The following EYS variants were observed in gnomAD, a reference collection of about 807,000 sequenced individuals.
EYS encodes the protein EGF-like photoreceptor maintenance factor.
A neutral mutation model predicts 282.1 loss-of-function variants in EYS; 250 were observed. That is an observed-to-expected ratio of 0.89 (90% CI 0.80 to 0.98). EYS has a LOEUF of 0.98. Among genes scored for constraint, EYS ranks in the 50% least tolerant of loss-of-function variants. The pLI, the probability that EYS is intolerant of heterozygous loss-of-function variation, is 0.00. For synonymous variants in EYS, 1,355 were observed against 1,282.9 expected (o/e 1.06, Z -1.20); for missense variants, 4,016 against 3,709.0 (o/e 1.08, Z -2.15).
intron 33 of EYS, among the ~76,000 whole-genome samples, chr6:64,002,058 G>A (rs1768120007): frequency 6.6e-6 from 1 of 152,202 alleles, no homozygotes. Context: ...ACATTAGCAG[G>A]CACACACAGA....
In EYS at chr6:64,518,589, T is replaced by C. The variant is rs575628085; in HGVS notation, c.5644+71634A>G. 8.6e-5 allele frequency among the ~76,000 whole-genome samples: 13 copies of C among 151,796 alleles called. No homozygotes were observed. In the South Asian group the frequency reaches 1.0e-3, roughly 12 times the overall value. On this transcript the variant is annotated intron_variant, in intron 26 of 42. Coordinates refer to ENST00000503581, the MANE Select transcript of EYS (RefSeq NM_001142800.2). The stretch of plus-strand genomic sequence containing the variant: ...AATCACATTTAAATGTGACCTAAAG[T>C]CGCTATTGACCCGACGGGAATGATA...
chr6:63,964,790 C>T (rs1766227632), intron 35 of EYS, among the ~76,000 whole-genome samples: 1 of 152,098 alleles, frequency 6.6e-6, no homozygotes, highest in Non-Finnish European at 1.5e-5. Flanking sequence ...CAACCAGTTC[C>T]TTTATTGCTT....
intron 28 of EYS, among the ~76,000 whole-genome samples, chr6:64,420,189 T>A (rs752504328): frequency 6.6e-6 from 1 of 151,982 alleles, no homozygotes; most frequent in Non-Finnish European, 1.5e-5. Context: ...ACCTGGGGCT[T>A]ACACCCTCTG....
chr6:65,073,622 A>T (rs1438131698), intron 12 of EYS, among the ~76,000 whole-genome samples: 3 of 151,710 alleles, frequency 2.0e-5, no homozygotes, highest in African/African-American at 7.2e-5. Context: ...TTAAAATGTT[A>T]CATTGATTAT....
intron 36 of EYS, among the ~76,000 whole-genome samples, chr6:63,832,018 C>G (rs192556348): frequency 6.6e-6 from 1 of 151,918 alleles, no homozygotes; most frequent in South Asian, 2.1e-4. Flanking sequence ...TTGAAACCAA[C>G]GAGAACAAAG....
chr6:64,028,190 C>T (rs539924416), intron 33 of EYS, among the ~76,000 whole-genome samples: 45 of 152,288 alleles, frequency 3.0e-4, no homozygotes, highest in African/African-American at 1.1e-3. Flanking sequence ...AGGAGGGAAT[C>T]AATCCTGAAG....
rs189038965 is a variant in EYS at position 65,159,868 on chromosome 6, G to A, written c.2024-102141C>T. Among the ~76,000 whole-genome samples the A allele has an allele frequency of 1.7e-3, 258 of 151,090 alleles. 2 individuals carry two copies. Among genetic ancestry groups the A allele is most frequent in the African/African-American group, 5.9e-3 (243 of 41,428 alleles). ...GAAACAATTAGAAATAACAGTTGGA[G>A]AGAGAGAAGAGAGGGATGTAAGTGT... On this transcript the variant is annotated intron_variant, in intron 12 of 42. Transcript: ENST00000503581.
intron 30 of EYS, among the ~76,000 whole-genome samples, chr6:64,233,744 A>T (rs995158759): frequency 6.6e-6 from 1 of 152,068 alleles, no homozygotes; most frequent in Admixed American, 6.6e-5. Flanking sequence ...TAGTGTCTGA[A>T]TAACATATGC....
intron 28 of EYS, among the ~76,000 whole-genome samples, chr6:64,391,156 AC>A (rs1773121637): frequency 6.6e-6 from 1 of 152,174 alleles, no homozygotes; most frequent in Non-Finnish European, 1.5e-5. Flanking sequence ...TGATTGGTGT[AC>A]CTGAAAGTGA....
chr6:64,327,433 C>T (rs900528545), intron 29 of EYS, among the ~76,000 whole-genome samples: 1 of 152,118 alleles, frequency 6.6e-6, no homozygotes, highest in Admixed American at 6.5e-5. Context: ...GCTAACTCCA[C>T]AGAAACTGAG....
At chr6:64,785,052 G>A (rs1773975409) in intron 22 of EYS, among the ~76,000 whole-genome samples, 1 of 152,166 alleles carries the variant, frequency 6.6e-6, no homozygotes, top group African/African-American at 2.4e-5. Flanking sequence ...CCTGAACCCA[G>A]GAGTATGAGG....
chr6:65,598,550 A>G (rs371157689), intron 2 of EYS, among the ~76,000 whole-genome samples: 1 of 152,132 alleles, frequency 6.6e-6, no homozygotes, highest in East Asian at 1.9e-4. Flanking sequence ...TAGCTCACCA[A>G]AAACATAATT....
At chr6:64,093,738 C>G (rs964638403) in intron 31 of EYS, among the ~76,000 whole-genome samples, 2 of 152,100 alleles carry the variant, frequency 1.3e-5, no homozygotes, top group Non-Finnish European at 2.9e-5. Flanking sequence ...TAGTTGAATA[C>G]CCTTTATTTC....
intron 33 of EYS, among the ~76,000 whole-genome samples, chr6:64,012,783 A>G (rs554485731): frequency 6.6e-6 from 1 of 152,290 alleles, no homozygotes; most frequent in Admixed American, 6.5e-5. Context: ...TAAACAGTAT[A>G]AAAAAAGGAT....
At chr6:64,201,644 T>C (rs1389830027) in intron 31 of EYS, among the ~76,000 whole-genome samples, 3 of 152,094 alleles carry the variant, frequency 2.0e-5, no homozygotes, top group African/African-American at 7.2e-5. Flanking sequence ...GAAATAGATG[T>C]TACACCTATC....
At chr6:64,869,683 C>T (rs557517503) in intron 19 of EYS, among the ~76,000 whole-genome samples, 5 of 151,398 alleles carry the variant, frequency 3.3e-5, no homozygotes, top group Admixed American at 6.6e-5. Context: ...AGCAGCAGCT[C>T]GTGAACTTGC....
At chr6:64,137,272 G>A (rs1774193175) in intron 31 of EYS, among the ~76,000 whole-genome samples, 1 of 152,114 alleles carries the variant, frequency 6.6e-6, no homozygotes, top group East Asian at 1.9e-4. Flanking sequence ...GTTGTGGTTG[G>A]TTTGATCCAT....
intron 30 of EYS, among the ~76,000 whole-genome samples, chr6:64,235,102 A>G (rs998017865): frequency 6.7e-6 from 1 of 150,196 alleles, no homozygotes; most frequent in African/African-American, 2.5e-5. Context: ...TTTAATTATT[A>G]TCATACTTTA....
intron 30 of EYS, among the ~76,000 whole-genome samples, chr6:64,303,499 A>G (rs1479031430): frequency 2.0e-5 from 3 of 152,190 alleles, no homozygotes; most frequent in Non-Finnish European, 4.4e-5. Flanking sequence ...GTGGTGGGAA[A>G]AATTGTAAAA....
Sources: allele counts gnomAD v4.1 joint callset (sites outside exome capture counted in the v4.1 genomes callset), GRCh38; gene constraint gnomAD v4.1.1; transcripts MANE v1.5; gene names NCBI Gene and HGNC (gene_info 2026-07-23, HGNC 2026-07-21).